The following CHL1 variants were observed in gnomAD, a reference collection of about 807,000 sequenced individuals.
CHL1 encodes the protein neural cell adhesion molecule L1-like protein.
A neutral mutation model predicts 141.9 loss-of-function variants in CHL1; 96 were observed. That is an observed-to-expected ratio of 0.68 (90% CI 0.57 to 0.80). The LOEUF (loss-of-function observed/expected upper bound fraction) is 0.80, where lower values mean the gene tolerates loss of function less well. Ranked by LOEUF, CHL1 falls within the 30% of genes least tolerant of loss-of-function variation. The pLI is 0.00. For missense variants in CHL1, 1,820 were observed against 1,457.2 expected (o/e 1.25, Z -4.05); for synonymous variants, 613 against 502.2 (o/e 1.22, Z -2.95).
At chr3:284,473 C>T (rs1304211878) in intron 2 of CHL1, among the ~76,000 whole-genome samples, 5 of 152,094 alleles carry the variant, frequency 3.3e-5, no homozygotes, top group African/African-American at 7.2e-5. Flanking sequence ...TGTTCCAAAC[C>T]GTGTGAGAAG....
chr3:343,566 G>T (rs1158325848), intron 8 of CHL1, among the ~76,000 whole-genome samples: 1 of 152,206 alleles, frequency 6.6e-6, no homozygotes, highest in Non-Finnish European at 1.5e-5. Flanking sequence ...ACGTCTACCA[G>T]AACTTGTGTT....
Position 405,501 on chromosome 3 carries a change from T to A in CHL1, c.3465T>A (p.Ser1155Arg). The A allele has an allele frequency of 1.2e-6, 2 of 1,609,076 alleles. No individual in the cohort carries two copies. The highest frequency in any genetic ancestry group is 1.7e-6 in the Non-Finnish European group (2 of 1,176,120). The change falls in exon 28 of 28, where the codon AGT (serine) becomes AGA (arginine). Residue 1155 changes from serine (S) to arginine (R), a missense_variant. Ser to Arg is a moderately radical substitution (Grantham distance 110). Coordinates refer to ENST00000256509, the MANE Select transcript of CHL1 (RefSeq NM_006614.4). ...TTGTTTGTTTGTTTTCTAGTGACAG[T>A]GATGAAAAGCCTCTCAAAGGAAGCC... Reference protein sequence around the residue: ...KDETFGEYSDSDEKPLKGSLR... With the variant: ...KDETFGEYSDRDEKPLKGSLR...
At chr3:221,539 A>G (rs17007772) in intron 1 of CHL1, among the ~76,000 whole-genome samples, 17,966 of 152,214 alleles carry the variant, frequency 0.12, 1,338 homozygotes, top group African/African-American at 0.22. Flanking sequence ...TTTTAATATC[A>G]TGGTCCTTGT....
rs1709652886 is a variant in CHL1, at chr3:408,239, C to T, written c.*2528C>T. ...ATAAGTCAACAGCCAATATTTAAAA[C>T]TTTGTTCGTTACTGGCTTTACCCTA... On this transcript the variant is annotated 3_prime_UTR_variant, in exon 28 of 28. Coordinates refer to ENST00000256509, the MANE Select transcript of CHL1 (RefSeq NM_006614.4). The T allele has an allele frequency of 6.6e-6, 1 of 152,082 alleles. No individual in the cohort carries two copies. The highest frequency in any genetic ancestry group is 2.1e-4 in the South Asian group (1 of 4,834). 9.4% of individuals were successfully genotyped at this position (152,082 alleles called of 1,614,324 possible).
At chr3:389,562 A>G in intron 20 of CHL1, 88 bp downstream of exon 20, 1 of 983,744 alleles carries the variant, frequency 1.0e-6, no homozygotes, top group Non-Finnish European at 1.6e-6. Context: ...TTTGTGAACA[A>G]CTACTGCATG....
intron 2 of CHL1, among the ~76,000 whole-genome samples, chr3:310,557 T>A (rs1699671397): frequency 6.6e-6 from 1 of 152,200 alleles, no homozygotes; most frequent in Admixed American, 6.5e-5. Flanking sequence ...TCTCACATAT[T>A]GCAGTTTTTC....
At chr3:228,177 A>G (rs558047160) in intron 1 of CHL1, among the ~76,000 whole-genome samples, 1 of 152,346 alleles carries the variant, frequency 6.6e-6, no homozygotes, top group African/African-American at 2.4e-5. Context: ...AGTCTTAAAA[A>G]CAATATGTTT....
intron 2 of CHL1, among the ~76,000 whole-genome samples, chr3:311,364 CTT>C (rs34996009): frequency 7.5e-4 from 105 of 139,336 alleles, no homozygotes; most frequent in East Asian, 1.2e-3. Flanking sequence ...GACCACACAA[CTT>C]TTTTTTTTTT....
intron 1 of CHL1, chr3:197,992 C>T (rs1474311096): frequency 2.2e-5 from 8 of 356,924 alleles, no homozygotes; most frequent in Middle Eastern, 6.3e-4. Context: ...CGTTCCCACT[C>T]TCCGGGCTCG....
At chr3:224,473 G>A (rs76049113) in intron 1 of CHL1, among the ~76,000 whole-genome samples, 5,235 of 152,152 alleles carry the variant, frequency 0.034, 294 homozygotes, top group African/African-American at 0.12. Context: ...TGCTGTCCTC[G>A]TGATATAGAG....
At chr3:320,490 C>T (rs940269637) in intron 3 of CHL1, among the ~76,000 whole-genome samples, 2 of 151,696 alleles carry the variant, frequency 1.3e-5, no homozygotes, top group African/African-American at 4.8e-5. Flanking sequence ...CATTATAAAT[C>T]AGTTTGAACG....
intron 2 of CHL1, among the ~76,000 whole-genome samples, chr3:296,743 C>G (rs200715954): frequency 1.3e-5 from 2 of 152,030 alleles, no homozygotes; most frequent in Non-Finnish European, 2.9e-5. Context: ...GACATTGTAT[C>G]CAGTTTTATA....
At chr3:372,754 G>T (rs1374839581) in intron 15 of CHL1, among the ~76,000 whole-genome samples, 1 of 151,442 alleles carries the variant, frequency 6.6e-6, no homozygotes, top group Non-Finnish European at 1.5e-5. Flanking sequence ...CTTTGAGGCT[G>T]CTGACACTTG....
Position 354,654 on chromosome 3 carries a change from A to T in CHL1, c.1048A>T (p.Thr350Ser). 1.2e-6 allele frequency: 2 copies of T among 1,612,762 alleles called. No homozygotes were observed. The highest frequency in any genetic ancestry group is 1.7e-6 in the Non-Finnish European group (2 of 1,179,406). Residue 350 changes from threonine to serine, a missense_variant, in exon 11 of 28, where the codon ACA becomes TCA. Coordinates refer to ENST00000256509, the MANE Select transcript of CHL1 (RefSeq NM_006614.4). ...HVIVEEPPRWTKKPQSAVYST... is the reference protein window; with the variant it reads ...HVIVEEPPRWSKKPQSAVYST... ...TTTACATCCAGAGCCTCCTCGCTGG[A>T]CAAAGAAGCCTCAGAGTGCTGTGTA...
At chr3:261,863 C>G (rs976341617) in intron 2 of CHL1, among the ~76,000 whole-genome samples, 1 of 152,058 alleles carries the variant, frequency 6.6e-6, no homozygotes, top group Non-Finnish European at 1.5e-5. Flanking sequence ...AATATATGTT[C>G]TTAATAACTT....
At chr3:398,570 C>A (rs1179607700) in intron 25 of CHL1, among the ~76,000 whole-genome samples, 185 bp downstream of exon 25, 1 of 152,116 alleles carries the variant, frequency 6.6e-6, no homozygotes, top group Non-Finnish European at 1.5e-5. Context: ...AGTAGTCCAC[C>A]ATCCTTTATT....
intron 2 of CHL1, among the ~76,000 whole-genome samples, chr3:256,777 C>T (rs141545436): frequency 5.9e-5 from 9 of 152,268 alleles, no homozygotes; most frequent in South Asian, 4.2e-4. Context: ...GTATTTCTGG[C>T]GCCTGGGAGC....
intron 2 of CHL1, among the ~76,000 whole-genome samples, chr3:254,076 G>A (rs1255804625): frequency 6.6e-6 from 1 of 152,188 alleles, no homozygotes; most frequent in Non-Finnish European, 1.5e-5. Context: ...AGAACCAGCT[G>A]CTTCCCCAGC....
At chr3:341,029 C>A in intron 6 of CHL1, 113 bp downstream of exon 6, 1 of 1,180,688 alleles carries the variant, frequency 8.5e-7, no homozygotes, top group Non-Finnish European at 1.2e-6. Context: ...TTAATTTTTT[C>A]ATATTTGAAG....
Sources: gnomAD v4.1 joint callset for allele counts (sites outside exome capture counted in the v4.1 genomes callset) on GRCh38, gnomAD v4.1.1 for gene constraint, MANE v1.5 for transcripts, NCBI Gene and HGNC (gene_info 2026-07-23, HGNC 2026-07-21) for gene names.